Variants in KDM4C observed in about 807,000 individuals in gnomAD.
KDM4C encodes the protein lysine demethylase 4C.
Under a neutral mutation model 129.3 loss-of-function variants are expected in KDM4C, and 81 were observed. The ratio of observed to expected loss-of-function variants is 0.63; its 90% confidence interval spans 0.52 to 0.75. The LOEUF (loss-of-function observed/expected upper bound fraction) is 0.75. Among genes scored for constraint, KDM4C ranks in the 30% least tolerant of loss-of-function variants. KDM4C has a pLI of 0.00. For synonymous variants in KDM4C, 573 were observed against 456.1 expected, an observed-to-expected ratio of 1.26 and a Z score of -3.26; for missense variants, 1,457 against 1,304.0, an observed-to-expected ratio of 1.12 and a Z score of -1.81.
chr9:7,055,213 A>G (rs925193435), intron 17 of KDM4C, among the ~76,000 whole-genome samples: 1 of 152,224 alleles, frequency 6.6e-6, no homozygotes, highest in Non-Finnish European at 1.5e-5. Flanking sequence ...GGCATTGTTC[A>G]TGGGTCACAA....
At chr9:6,998,813 CAACA>C (rs987590981) in intron 12 of KDM4C, among the ~76,000 whole-genome samples, 6 of 152,134 alleles carry the variant, frequency 3.9e-5, no homozygotes, top group East Asian at 1.9e-4. Flanking sequence ...ACAAACCAAC[CAACA>C]AACAAACAAC....
chr9:6,773,581 A>G (rs1030190183), intron 1 of KDM4C, among the ~76,000 whole-genome samples: 1 of 152,040 alleles, frequency 6.6e-6, no homozygotes, highest in Non-Finnish European at 1.5e-5. Flanking sequence ...GACCAGCCTG[A>G]TCAACATGGT....
Position 6,960,451 on chromosome 9 carries a change from C to G in KDM4C, c.922-20474C>G, listed in dbSNP as rs184846791. 6.6e-5 allele frequency among the ~76,000 whole-genome samples: 10 copies of G among 151,748 alleles called. No individual in the cohort carries two copies. In the East Asian group the frequency reaches 1.8e-3, roughly 27 times the overall value. On this transcript the variant is annotated intron_variant, in intron 8 of 21. Transcript: ENST00000381309. ...TGCATCACCACACTCATCTAGGGGT[C>G]ACTCTCTTTGTTTCCCAGGATGGTC... is the stretch of plus-strand genomic sequence containing the variant.
At chr9:7,150,206 C>G (rs973201586) in intron 19 of KDM4C, among the ~76,000 whole-genome samples, 13 of 152,218 alleles carry the variant, frequency 8.5e-5, no homozygotes, top group African/African-American at 2.9e-4. Flanking sequence ...CGCCCTCTGG[C>G]TTCTCCCTTT....
intron 19 of KDM4C, among the ~76,000 whole-genome samples, chr9:7,145,435 G>A (rs1842130532): frequency 6.6e-6 from 1 of 152,080 alleles, no homozygotes; most frequent in South Asian, 2.1e-4. Flanking sequence ...GGCTGATGGG[G>A]GGCGCACTCC....
At chr9:6,853,416 C>T (rs183413828) in intron 5 of KDM4C, among the ~76,000 whole-genome samples, 338 of 152,174 alleles carry the variant, frequency 2.2e-3, no homozygotes, top group African/African-American at 7.7e-3. Context: ...GACCTGAGCC[C>T]GGGGAGGTCA....
At chr9:7,151,509 C>G (rs1250849125) in intron 19 of KDM4C, among the ~76,000 whole-genome samples, 1 of 152,014 alleles carries the variant, frequency 6.6e-6, no homozygotes, top group East Asian at 1.9e-4. Context: ...GACCTCATCT[C>G]TACTTTTAAA....
intron 17 of KDM4C, among the ~76,000 whole-genome samples, chr9:7,069,019 G>A (rs906206899): frequency 6.6e-6 from 1 of 151,812 alleles, no homozygotes; most frequent in African/African-American, 2.4e-5. Context: ...CTTTCTATCC[G>A]AACCTTTCTT....
Position 6,984,674 on chromosome 9 carries a change from T to C in KDM4C, c.1354+270T>C, listed in dbSNP as rs181734681. Among the ~76,000 whole-genome samples the C allele has an allele frequency of 2.0e-3, 308 of 152,282 alleles. 1 individual carries two copies. The highest frequency in any genetic ancestry group is 7.1e-3 in the African/African-American group (294 of 41,568). ...AGAAGATTCTAAAATGAGTTTTTTT[T>C]TTTTCGTGCAACTCAATTTACAATA... On this transcript the variant is annotated intron_variant, in intron 10 of 21. Transcript: ENST00000381309.
At chr9:6,725,636 T>C (rs981093937) in intron 1 of KDM4C, among the ~76,000 whole-genome samples, 1 of 151,468 alleles carries the variant, frequency 6.6e-6, no homozygotes, top group African/African-American at 2.4e-5. Context: ...TACAGGCACC[T>C]GCCACCACAT....
intron 8 of KDM4C, among the ~76,000 whole-genome samples, chr9:6,932,444 C>T (rs1365512423): frequency 1.1e-4 from 16 of 152,104 alleles, no homozygotes; most frequent in Non-Finnish European, 2.9e-5. Flanking sequence ...CTTGAGAAAA[C>T]TTTTGTTGAA....
At chr9:7,068,752 A>G (rs1410516729) in intron 17 of KDM4C, among the ~76,000 whole-genome samples, 1 of 139,136 alleles carries the variant, frequency 7.2e-6, no homozygotes, top group African/African-American at 2.8e-5. Flanking sequence ...GCTGGAGTGC[A>G]ATGGTGCAAT....
intron 1 of KDM4C, among the ~76,000 whole-genome samples, chr9:6,741,347 A>C (rs76645520): frequency 0.15 from 22,224 of 152,016 alleles, 2,032 homozygotes; most frequent in African/African-American, 0.24. Flanking sequence ...GTGGGCAGAG[A>C]TTGCGACACT....
At chr9:6,831,994 A>C (rs1368641330) in intron 4 of KDM4C, among the ~76,000 whole-genome samples, 2 of 152,198 alleles carry the variant, frequency 1.3e-5, no homozygotes, top group Non-Finnish European at 2.9e-5. Flanking sequence ...TTATTATAAG[A>C]CATGATGACT....
In KDM4C at chr9:6,809,796, C is replaced by T. The variant is rs900819318; in HGVS notation, c.320+4022C>T. ...GGTGGAATGCTTGAACCCAGGAGTTCGAGACCAGCTGGATAACATGGCAAA... is the reference window on the plus strand; with the variant it reads ...GGTGGAATGCTTGAACCCAGGAGTTTGAGACCAGCTGGATAACATGGCAAA... On this transcript the variant is annotated intron_variant, in intron 3 of 21. Coordinates refer to ENST00000381309, the MANE Select transcript of KDM4C (RefSeq NM_015061.6). 4.6e-5 allele frequency among the ~76,000 whole-genome samples: 7 copies of T among 152,158 alleles called. No individual in the cohort carries two copies. The South Asian group carries it at 8.3e-4, about 18-fold the overall frequency.
At position 6,849,548 on chromosome 9, in the gene KDM4C, G is replaced by A. The variant is rs774541727; in HGVS notation, c.477G>A (p.Leu159=). Residue 159 remains leucine, a synonymous_variant, in exon 5 of 22, where the codon TTG becomes TTA. Transcript: ENST00000381309. The part of the protein sequence containing the change: ...EWNIARLNTV[L]DVVEEECGIS... Reference sequence around the variant, plus strand: ...ACATAGCTCGCCTCAATACAGTCTTGGATGTGGTTGAAGAAGAGTGTGGCA... The same window carrying A: ...ACATAGCTCGCCTCAATACAGTCTTAGATGTGGTTGAAGAAGAGTGTGGCA... The A allele has an allele frequency of 2.9e-5, 46 of 1,612,786 alleles. No individual in the cohort carries two copies. In the South Asian group the frequency reaches 4.7e-4, roughly 17 times the overall value.
intron 1 of KDM4C, among the ~76,000 whole-genome samples, chr9:6,763,981 A>G (rs1034910765): frequency 1.3e-5 from 2 of 152,120 alleles, no homozygotes; most frequent in Non-Finnish European, 2.9e-5. Flanking sequence ...CTGGTCTCGA[A>G]CTCCCAACCT....
At chr9:6,807,579 G>C (rs1447386216) in intron 3 of KDM4C, among the ~76,000 whole-genome samples, 1 of 149,744 alleles carries the variant, frequency 6.7e-6, no homozygotes, top group Non-Finnish European at 1.5e-5. Context: ...CCGAGACCCC[G>C]TCTGGGAGGT....
intron 8 of KDM4C, among the ~76,000 whole-genome samples, chr9:6,959,753 G>A (rs1054169777): frequency 6.6e-6 from 1 of 152,076 alleles, no homozygotes; most frequent in Non-Finnish European, 1.5e-5. Flanking sequence ...CTACTCATAA[G>A]TTGTTTACAC....
Sources: allele counts gnomAD v4.1 joint callset (sites outside exome capture counted in the v4.1 genomes callset), GRCh38; gene constraint gnomAD v4.1.1; transcripts MANE v1.5; gene names NCBI Gene and HGNC (gene_info 2026-07-23, HGNC 2026-07-21).